Variants in EVPL observed in about 807,000 individuals in gnomAD.
EVPL encodes 210 kDa cornified envelope precursor protein.
EVPL carries 94 observed loss-of-function variants against 129.7 expected under a neutral mutation model. That is an observed-to-expected ratio of 0.72 (90% CI 0.61 to 0.86). EVPL has a LOEUF of 0.86. Among genes scored for constraint, EVPL ranks in the 40% least tolerant of loss-of-function variants. EVPL has a pLI of 0.00. For missense variants in EVPL, 2,625 were observed against 2,721.1 expected, an observed-to-expected ratio of 0.96 and a Z score of 0.79; for synonymous variants, 1,172 against 1,191.1, an observed-to-expected ratio of 0.98 and a Z score of 0.33.
At position 76,008,169 on chromosome 17, in the gene EVPL, T is replaced by C. The variant is rs1396959832; in HGVS notation, c.5036A>G (p.Glu1679Gly). ...EELSQETQTR[E>G]TNLSTKISIL... ...GGAGATCTTGGTGGAAAGGTTGGTC[T>C]CTCGCGTCTGGGTCTCCTGGCTGAG... Residue 1679 changes from glutamate to glycine, a missense_variant, in exon 22 of 22, where the codon GAG (glutamate) becomes GGG (glycine). By Grantham distance (98) the Glu-to-Gly change is moderately conservative. Coordinates refer to ENST00000301607, the MANE Select transcript of EVPL (RefSeq NM_001988.4). This position sits in a 1 kb window ranked among gnomAD's most constrained non-coding sequence, Gnocchi z 7.4. 3.7e-6 allele frequency: 6 copies of C among 1,614,064 alleles called. No homozygotes were observed. In the Admixed American group the frequency reaches 1.0e-4, roughly 27 times the overall value.
At chr17:76,021,428 T>TGCCGCCCCA in intron 9 of EVPL, 40 bp downstream of exon 9, 1 of 1,425,844 alleles carries the variant, frequency 7.0e-7, no homozygotes, top group East Asian at 3.4e-5. Flanking sequence ...CTGCCGCCCC[T>TGCCGCCCCA]GCCGCCCCTG....
rs1464294203 is a variant in EVPL, at chr17:76,022,509, C to G, written c.510G>C (p.Pro170=). 5.0e-6 allele frequency: 8 copies of G among 1,610,414 alleles called. No homozygotes were observed. Among genetic ancestry groups the G allele is most frequent in the East Asian group, 4.5e-5 (2 of 44,780 alleles). ...QKQVCAGQYG[P]GMAELEQQIA... The stretch of plus-strand genomic sequence containing the variant: ...TCTGTTGCTCCAGCTCCGCCATGCC[C>G]GGCCCGTACTGGCCTGCGCAGACCT... The change falls in exon 5 of 22, where the codon CCG becomes CCC. Residue 170 remains proline (P), a synonymous_variant. Transcript: ENST00000301607. This position sits in a 1 kb window ranked among gnomAD's most constrained non-coding sequence, Gnocchi z 5.6.
intron 1 of EVPL, 45 bp downstream of exon 1, chr17:76,027,056 C>G: frequency 8.5e-7 from 1 of 1,174,458 alleles, no homozygotes; most frequent in Non-Finnish European, 1.2e-6. Context: ...CCTGGCACCA[C>G]CCCCACCCCA....
At position 76,022,269 on chromosome 17, in the gene EVPL, G is replaced by A; in HGVS notation, c.607-42C>T. 6 of 1,610,728 alleles carry A rather than the reference G, an allele frequency of 3.7e-6. No individual in the cohort carries two copies. Among genetic ancestry groups the A allele is most frequent in the Non-Finnish European group, 5.1e-6 (6 of 1,179,006 alleles). ...GAGAAACAAGCCCGTGAGAGGTGGG[G>A]TGCAGGGAGACGGCCCCCTAAGATC... On this transcript the variant is annotated intron_variant, in intron 5 of 21. Transcript: ENST00000301607. This position sits in a 1 kb window ranked among gnomAD's most constrained non-coding sequence, Gnocchi z 5.6.
intron 1 of EVPL, among the ~76,000 whole-genome samples, chr17:76,025,162 C>T (rs1232268786): frequency 6.6e-5 from 10 of 152,184 alleles, no homozygotes; most frequent in South Asian, 2.1e-4. Flanking sequence ...ACTTGTAAAG[C>T]GGGATTTTAA....
chr17:76,023,156 T>C, intron 4 of EVPL, 136 bp downstream of exon 4: 1 of 1,450,522 alleles, frequency 6.9e-7, no homozygotes, highest in Non-Finnish European at 9.4e-7. Context: ...CTGCACTGTC[T>C]ACTCTGCTGT....
At chr17:76,011,941 G>A in intron 19 of EVPL, 59 bp from the exon 20 acceptor site, 6 of 1,600,278 alleles carry the variant, frequency 3.7e-6, no homozygotes, top group African/African-American at 1.3e-5. Context: ...GGGTGTGGGG[G>A]ATAGGGCTGG....
At chr17:76,025,605 A>C (rs1192884494) in intron 1 of EVPL, among the ~76,000 whole-genome samples, 1 of 151,918 alleles carries the variant, frequency 6.6e-6, no homozygotes. Context: ...CAGGTGCCCC[A>C]GGGAGGACAG....
chr17:76,022,654 C>T lies in EVPL; in HGVS notation c.481-116G>A. 1 of 1,398,112 alleles carries T rather than the reference C, an allele frequency of 7.2e-7. No individual in the cohort carries two copies. The highest frequency in any genetic ancestry group is 9.5e-7 in the Non-Finnish European group (1 of 1,050,342). The allele number at this position is 1,398,112 out of a possible 1,614,324, so 86.6% of individuals were successfully genotyped here. On this transcript the variant is annotated intron_variant, in intron 4 of 21. Transcript: ENST00000301607. This position sits in a 1 kb window ranked among gnomAD's most constrained non-coding sequence, Gnocchi z 5.6. The stretch of plus-strand genomic sequence containing the variant: ...TCATTTGGGCAGAGCGTGGACGAGC[C>T]TGGGAGCAGCCCGGGTGCATGCCCT...
Position 76,009,625 on chromosome 17 carries a change from C to T in EVPL, c.3580G>A (p.Glu1194Lys). ...ACCTGGAAGATCTCGTGGACGCGCT[C>T]CTGGAGCTGCACTTTGGGCCTCTGC... ...EKQRPKVQLQ[E>K]RVHEIFQVDP... is the part of the protein sequence containing the mutation. The change falls in exon 22 of 22, where the codon GAG becomes AAG. Residue 1194 changes from glutamate (E) to lysine (K), a missense_variant. Around this residue, in one of 4 missense-constraint regions of EVPL, gnomAD observed 1,453 missense variants for 1,511.8 expected, o/e 0.96. Coordinates refer to ENST00000301607, the MANE Select transcript of EVPL (RefSeq NM_001988.4). The surrounding 1 kb of genome is among the most constrained non-coding windows in gnomAD (Gnocchi z 5.9). The T allele has an allele frequency of 6.2e-7, 1 of 1,613,946 alleles. No individual in the cohort carries two copies. The highest frequency in any genetic ancestry group is 1.1e-5 in the South Asian group (1 of 91,086).
intron 2 of EVPL, 101 bp from the exon 3 acceptor site, chr17:76,023,755 G>A (rs1442021911): frequency 6.9e-7 from 1 of 1,447,400 alleles, no homozygotes; most frequent in East Asian, 2.5e-5. Context: ...CCCCAGCTAT[G>A]CTAGCCAACC....
chr17:76,017,060 A>G (rs1169822893), intron 14 of EVPL, among the ~76,000 whole-genome samples: 1 of 152,072 alleles, frequency 6.6e-6, no homozygotes, highest in Non-Finnish European at 1.5e-5. Context: ...TAAAAATACA[A>G]AAATTAGTTG....
rs1388950011 is a variant in EVPL, at chr17:76,014,481, T to C, written c.2318A>G (p.Gln773Arg). Residue 773 changes from glutamine (Q) to arginine (R), a missense_variant, in exon 18 of 22, where the codon CAG (glutamine) becomes CGG (arginine). Transcript: ENST00000301607. Reference protein sequence around the residue: ...SSWLEHLPRSQVRPSDGPSQI... With the variant: ...SSWLEHLPRSRVRPSDGPSQI... ...GCTGGGGCCGTCGCTGGGCCGCACC[T>C]GGCTGCGGGGCAGGTGCTCCAGCCA... The C allele has an allele frequency of 3.7e-6, 6 of 1,611,912 alleles. 1 individual carries two copies. Among genetic ancestry groups the C allele is most frequent in the Middle Eastern group, 3.4e-4 (2 of 5,962 alleles).
At position 76,015,102 on chromosome 17, in the gene EVPL, C is replaced by A. The variant is rs561427047; in HGVS notation, c.2036G>T (p.Arg679Leu). The change falls in exon 17 of 22, where the codon CGG becomes CTG. Residue 679 changes from arginine to leucine, a missense_variant. Coordinates refer to ENST00000301607, the MANE Select transcript of EVPL (RefSeq NM_001988.4). ...QERVSELQRQ[R>L]RELLEQQTCV... Reference sequence around the variant, plus strand: ...GGTCTGCTGTTCCAGCAGCTCCCTCCGCTGGCGCTGCAGGAGGAGGGGACG... The same window carrying A: ...GGTCTGCTGTTCCAGCAGCTCCCTCAGCTGGCGCTGCAGGAGGAGGGGACG... 1 of 1,573,468 alleles carries A rather than the reference C, an allele frequency of 6.4e-7. No individual in the cohort carries two copies. The highest frequency in any genetic ancestry group is 1.1e-5 in the South Asian group (1 of 90,426).
At position 76,018,261 on chromosome 17, in the gene EVPL, A is replaced by G. The variant is rs1335155579; in HGVS notation, c.1440-3T>C. 3 of 1,539,098 alleles carry G rather than the reference A, an allele frequency of 1.9e-6. No homozygotes were observed. In the South Asian group the frequency reaches 3.6e-5, roughly 19 times the overall value. On this transcript the variant is annotated splice_region_variant and splice_polypyrimidine_tract_variant and intron_variant, in intron 12 of 21. Coordinates refer to ENST00000301607, the MANE Select transcript of EVPL (RefSeq NM_001988.4). Reference sequence around the variant, plus strand: ...GGGCCTGCAGCTCTGAGGCCAGCCTAGAATGAAGAGGAGATTGAAGAAAGA... The same window carrying G: ...GGGCCTGCAGCTCTGAGGCCAGCCTGGAATGAAGAGGAGATTGAAGAAAGA...
At chr17:76,023,050 T>A (rs2144438484) in intron 4 of EVPL, among the ~76,000 whole-genome samples, 1 of 152,222 alleles carries the variant, frequency 6.6e-6, no homozygotes, top group East Asian at 1.9e-4. Flanking sequence ...CTTTCTGGAA[T>A]TGTCCTCTCC....
In EVPL at chr17:76,007,969, G is replaced by T; in HGVS notation, c.5236C>A (p.Gln1746Lys). 1 of 1,614,096 alleles carries T rather than the reference G, an allele frequency of 6.2e-7. No individual in the cohort carries two copies. Residue 1746 changes from glutamine to lysine, a missense_variant, in exon 22 of 22, where the codon CAG (glutamine) becomes AAG (lysine). Coordinates refer to ENST00000301607, the MANE Select transcript of EVPL (RefSeq NM_001988.4). The surrounding 1 kb of genome is among the most constrained non-coding windows in gnomAD (Gnocchi z 8.8). The stretch of plus-strand genomic sequence containing the variant: ...CGGAGGGCGGCCTCGATGGAGTACT[G>T]CTTCCCGCTCTTGCGGTCCAGGAGC... Reference protein sequence around the residue: ...SVLLDRKSGKQYSIEAALRCR... With the variant: ...SVLLDRKSGKKYSIEAALRCR...
chr17:76,015,653 C>A, intron 14 of EVPL, 25 bp from the exon 15 acceptor site: 1 of 1,601,208 alleles, frequency 6.2e-7, no homozygotes, highest in Non-Finnish European at 8.5e-7. Context: ...GGTCAGGGAT[C>A]TCTGGGCAGG....
Position 76,018,872 on chromosome 17 carries a change from C to T in EVPL, c.1284+42G>A, listed in dbSNP as rs780900207. The T allele has an allele frequency of 9.6e-5, 71 of 736,834 alleles. 2 individuals are homozygous for T. The highest frequency in any genetic ancestry group is 1.2e-3 in the Middle Eastern group (2 of 1,614). 45.6% of individuals were successfully genotyped at this position (736,834 alleles called of 1,614,324 possible). A position where few individuals can be genotyped will look rare whatever the true frequency, so the allele number is the denominator to read the frequency against. On this transcript the variant is annotated intron_variant, in intron 11 of 21. Coordinates refer to ENST00000301607, the MANE Select transcript of EVPL (RefSeq NM_001988.4). ...GGGCAGGGGCAGGGGATGGGTTGGGCGGGGCTGGATGGTGGCAGGGGTGAG... is the reference window on the plus strand; with the variant it reads ...GGGCAGGGGCAGGGGATGGGTTGGGTGGGGCTGGATGGTGGCAGGGGTGAG...
Sources: gnomAD v4.1 joint callset for allele counts (sites outside exome capture counted in the v4.1 genomes callset) on GRCh38, gnomAD v4.1.1 for gene constraint, gnomAD v4.1.1 regional missense constraint, Gnocchi (gnomAD v3.1) non-coding constraint, MANE v1.5 for transcripts, NCBI Gene and HGNC (gene_info 2026-07-23, HGNC 2026-07-21) for gene names.